Variants in GPR158 observed in about 807,000 individuals in gnomAD.
GPR158 encodes the protein metabotropic glycine receptor.
A neutral mutation model predicts 78.2 loss-of-function variants in GPR158; 30 were observed. The observed-to-expected ratio is 0.38, with a 90% confidence interval of 0.29 to 0.52. The LOEUF is 0.52. GPR158 is among the 20% of genes least tolerant of loss of function. The probability of loss-of-function intolerance (pLI) is 0.83; values close to 1 mark genes in which losing one functional copy is unlikely to be tolerated. For missense variants in GPR158, 1,463 were observed against 1,523.5 expected, an observed-to-expected ratio of 0.96 and a Z score of 0.66; for synonymous variants, 581 against 591.1, an observed-to-expected ratio of 0.98 and a Z score of 0.25.
chr10:25,375,327 C>T (rs1773634), intron 2 of GPR158, among the ~76,000 whole-genome samples: 49,291 of 151,284 alleles, frequency 0.33, 10,240 homozygotes, highest in Non-Finnish European at 0.47. Flanking sequence ...CCATACCTCT[C>T]GTTTTCATCA....
intron 5 of GPR158, among the ~76,000 whole-genome samples, chr10:25,469,783 CAAAAAAAAA>C (rs34432893): frequency 2.1e-5 from 1 of 47,362 alleles, no homozygotes; most frequent in Non-Finnish European, 3.9e-5. Context: ...GACTCCATCT[CAAAAAAAAA>C]AAAAAAAAAA....
rs1159106958 is a variant in GPR158 at position 25,204,818 on chromosome 10, G to GTTTTTT, written c.903-16221_903-16216dup. Among the ~76,000 whole-genome samples, 65 of 118,928 alleles carry GTTTTTT rather than the reference G, an allele frequency of 5.5e-4. 1 individual carries two copies. The highest frequency in any genetic ancestry group is 2.1e-3 in the African/African-American group (62 of 29,346). 78.0% of individuals were successfully genotyped at this position (118,928 alleles called of 152,430 possible). On this transcript the variant is annotated intron_variant, in intron 1 of 10. Coordinates refer to ENST00000376351, the MANE Select transcript of GPR158 (RefSeq NM_020752.3). ...GAGGTGTTCAAAGTAGTCTCTGAGG[G>GTTTTTT]TTTTTTTTTTTTTTTTTTGTCATTT...
chr10:25,404,143 T>C (rs577041796), intron 3 of GPR158, among the ~76,000 whole-genome samples: 127 of 152,236 alleles, frequency 8.3e-4, no homozygotes, highest in African/African-American at 3.0e-3. Flanking sequence ...TATTAAATTG[T>C]GCTTTGAGTA....
intron 2 of GPR158, among the ~76,000 whole-genome samples, chr10:25,394,625 A>G (rs1405621781): frequency 6.6e-6 from 1 of 152,144 alleles, no homozygotes; most frequent in Admixed American, 6.6e-5. Flanking sequence ...ATGTGTTTTC[A>G]ATTGCAGCAT....
chr10:25,530,941 T>A (rs2130693258), intron 5 of GPR158, among the ~76,000 whole-genome samples: 1 of 151,896 alleles, frequency 6.6e-6, no homozygotes, highest in Admixed American at 6.6e-5. Context: ...CTACTTTGCA[T>A]CAAAACTTAC....
chr10:25,594,951 T>C (rs1227137417), intron 9 of GPR158, among the ~76,000 whole-genome samples: 2 of 152,178 alleles, frequency 1.3e-5, no homozygotes, highest in Non-Finnish European at 2.9e-5. Context: ...GTTATGACAC[T>C]AGCCAGGACT....
At chr10:25,492,164 A>G (rs554043406) in intron 5 of GPR158, among the ~76,000 whole-genome samples, 1 of 152,234 alleles carries the variant, frequency 6.6e-6, no homozygotes, top group African/African-American at 2.4e-5. Context: ...ATTCTTTTCA[A>G]CAACCAGCTC....
intron 2 of GPR158, among the ~76,000 whole-genome samples, chr10:25,297,348 AT>A (rs2130770934): frequency 6.6e-6 from 1 of 152,316 alleles, no homozygotes; most frequent in African/African-American, 2.4e-5. Context: ...AAGGTTTGAC[AT>A]TGGTCTTAAA....
chr10:25,281,004 A>G (rs1475191154), intron 2 of GPR158, among the ~76,000 whole-genome samples: 1 of 151,770 alleles, frequency 6.6e-6, no homozygotes, highest in African/African-American at 2.4e-5. Flanking sequence ...GCATGGTGGT[A>G]TGCGCCTGTA....
intron 2 of GPR158, among the ~76,000 whole-genome samples, chr10:25,262,784 T>G (rs1452822721): frequency 6.6e-6 from 1 of 152,338 alleles, no homozygotes; most frequent in Middle Eastern, 3.4e-3. Context: ...CATTCTACTA[T>G]AGATGTTGGC....
intron 7 of GPR158, among the ~76,000 whole-genome samples, chr10:25,584,922 A>G (rs1837246700): frequency 6.6e-6 from 1 of 152,230 alleles, no homozygotes; most frequent in South Asian, 2.1e-4. Flanking sequence ...CAACTTTTAT[A>G]GGCTGGAGAT....
intron 4 of GPR158, among the ~76,000 whole-genome samples, chr10:25,456,328 T>G (rs1046290558): frequency 3.3e-5 from 5 of 152,198 alleles, no homozygotes; most frequent in Non-Finnish European, 5.9e-5. Flanking sequence ...CCTGGAATGT[T>G]TAGGCTATCT....
intron 5 of GPR158, among the ~76,000 whole-genome samples, chr10:25,469,394 C>T (rs1835463857): frequency 6.6e-6 from 1 of 152,170 alleles, no homozygotes; most frequent in African/African-American, 2.4e-5. Context: ...TTCCAGTGTC[C>T]ACTGATGGCA....
At chr10:25,262,064 G>A (rs917173780) in intron 2 of GPR158, among the ~76,000 whole-genome samples, 2 of 152,056 alleles carry the variant, frequency 1.3e-5, no homozygotes, top group Admixed American at 6.6e-5. Context: ...CTGAAGCCTA[G>A]GGTTTGGGAC....
intron 3 of GPR158, among the ~76,000 whole-genome samples, chr10:25,407,870 G>C (rs887585497): frequency 6.6e-6 from 1 of 152,042 alleles, no homozygotes. Flanking sequence ...TACAACCAAA[G>C]CAATCCTTTA....
chr10:25,418,427 G>A (rs1374416704), intron 4 of GPR158, among the ~76,000 whole-genome samples: 1 of 152,050 alleles, frequency 6.6e-6, no homozygotes, highest in African/African-American at 2.4e-5. Context: ...GAAACATTTA[G>A]GAAACTAATT....
intron 2 of GPR158, among the ~76,000 whole-genome samples, chr10:25,260,955 G>A (rs1853960647): frequency 6.6e-6 from 1 of 152,124 alleles, no homozygotes. Context: ...TATACCAGAA[G>A]GAGATTGTGT....
At chr10:25,471,476 G>C (rs529580004) in intron 5 of GPR158, among the ~76,000 whole-genome samples, 1 of 152,290 alleles carries the variant, frequency 6.6e-6, no homozygotes, top group South Asian at 2.1e-4. Flanking sequence ...TATATACCCA[G>C]TAATATGGGA....
At chr10:25,540,960 AT>A (rs1836573014) in intron 5 of GPR158, among the ~76,000 whole-genome samples, 2 of 146,812 alleles carry the variant, frequency 1.4e-5, no homozygotes, top group African/African-American at 2.5e-5. Flanking sequence ...ATATATATAT[AT>A]ATATATATAT....
Sources: allele counts gnomAD v4.1 joint callset (sites outside exome capture counted in the v4.1 genomes callset), GRCh38; gene constraint gnomAD v4.1.1; transcripts MANE v1.5; gene names NCBI Gene and HGNC (gene_info 2026-07-23, HGNC 2026-07-21).